The following TCP11L2 variants were observed in gnomAD, a reference collection of about 807,000 sequenced individuals.
The protein encoded by TCP11L2 is t-complex 11 like 2, also known as T-complex protein 11-like protein 2.
In TCP11L2, 39 loss-of-function variants were observed where a neutral mutation model predicts 50.7. That is an observed-to-expected ratio of 0.77 (90% CI 0.60 to 1.01). The LOEUF (loss-of-function observed/expected upper bound fraction) is 1.01. Among genes scored for constraint, TCP11L2 ranks in the 50% least tolerant of loss-of-function variants. The pLI is 0.00. For missense variants in TCP11L2, 612 were observed against 614.7 expected, an observed-to-expected ratio of 1.00 and a Z score of 0.05; for synonymous variants, 192 against 219.3, an observed-to-expected ratio of 0.88 and a Z score of 1.10.
rs186475148 is a variant in TCP11L2, at chr12:106,336,248, T to C, written c.1142+35T>C. 542 of 1,570,978 alleles carry C rather than the reference T, an allele frequency of 3.5e-4. 7 individuals are homozygous for C. In the African/African-American group the frequency reaches 6.7e-3, roughly 20 times the overall value. On this transcript the variant is annotated intron_variant, in intron 8 of 9. Coordinates refer to ENST00000299045, the MANE Select transcript of TCP11L2 (RefSeq NM_152772.3). ...AAATTTTTGCATCTGCTCCCTCTTG[T>C]ATTAAGGCTCTGCATGTGTCTCAGA...
intron 9 of TCP11L2, among the ~76,000 whole-genome samples, chr12:106,344,764 G>C (rs902996580): frequency 3.2e-4 from 49 of 152,316 alleles, no homozygotes; most frequent in African/African-American, 1.1e-3. Context: ...CCTTGGAGCA[G>C]CCTGAGCTAT....
At position 106,346,142 on chromosome 12, in the gene TCP11L2, T is replaced by A. The variant is rs1174735217; in HGVS notation, c.1316-144T>A. The stretch of plus-strand genomic sequence containing the variant: ...GCTTTGATAGGAGGAACTGCAAAGC[T>A]ACCTTGGAAAGGGGATGGGTGCAGG... On this transcript the variant is annotated intron_variant, in intron 9 of 9. Transcript: ENST00000299045. 2.7e-5 allele frequency: 22 copies of A among 829,210 alleles called. 1 individual carries two copies. In the East Asian group the frequency reaches 5.7e-4, roughly 21 times the overall value. The allele number at this position is 829,210 out of a possible 1,614,324, so 51.4% of individuals were successfully genotyped here. A position where few individuals can be genotyped will look rare whatever the true frequency, so the allele number is the denominator to read the frequency against.
chr12:106,339,603 T>C (rs1462322577), intron 8 of TCP11L2, among the ~76,000 whole-genome samples: 1 of 152,242 alleles, frequency 6.6e-6, no homozygotes, highest in East Asian at 1.9e-4. Flanking sequence ...TTTTTAAAGG[T>C]CTTATAGTTA....
chr12:106,320,710 T>C (rs577257588), intron 4 of TCP11L2, among the ~76,000 whole-genome samples: 4 of 152,304 alleles, frequency 2.6e-5, no homozygotes, highest in Admixed American at 2.0e-4. Flanking sequence ...GTAAGCAAGC[T>C]GGAAAACGAA....
chr12:106,336,162 C>T lies in TCP11L2; in HGVS notation c.1091C>T (p.Ala364Val), dbSNP rs147598851. Residue 364 changes from alanine (A) to valine (V), a missense_variant, in exon 8 of 10, where the codon GCA becomes GTA. Transcript: ENST00000299045. ...GAITGGLPEL[A>V]SRLTRISAVL... Reference sequence around the variant, plus strand: ...ATTACAGGAGGCCTGCCTGAGCTTGCAAGCAGGTTAACAAGGATTTCAGCT... The same window carrying T: ...ATTACAGGAGGCCTGCCTGAGCTTGTAAGCAGGTTAACAAGGATTTCAGCT... 69 of 1,613,266 alleles carry T rather than the reference C, an allele frequency of 4.3e-5. No individual in the cohort carries two copies. Among genetic ancestry groups the T allele is most frequent in the Non-Finnish European group, 5.8e-5 (68 of 1,179,852 alleles).
rs1369409235 is a variant in TCP11L2, at chr12:106,311,154, A to G, written c.79A>G (p.Met27Val). 1 of 1,614,216 alleles carries G rather than the reference A, an allele frequency of 6.2e-7. No individual in the cohort carries two copies. Among genetic ancestry groups the G allele is most frequent in the Non-Finnish European group, 8.5e-7 (1 of 1,180,056 alleles). The change falls in exon 2 of 10, where the codon ATG becomes GTG. Residue 27 changes from methionine to valine, a missense_variant. Transcript: ENST00000299045. The part of the protein sequence containing the change: ...DSDSSRFSES[M>V]ASLSDYECSR... Reference sequence around the variant, plus strand: ...TGATTCTTCCCGGTTTTCCGAAAGCATGGCTTCGCTCAGTGACTATGAATG... The same window carrying G: ...TGATTCTTCCCGGTTTTCCGAAAGCGTGGCTTCGCTCAGTGACTATGAATG...
chr12:106,335,827 G>T lies in TCP11L2; in HGVS notation c.960+1G>T, dbSNP rs758541592. 5.0e-6 allele frequency: 8 copies of T among 1,611,692 alleles called. No individual in the cohort carries two copies. Among genetic ancestry groups the T allele is most frequent in the Non-Finnish European group, 6.8e-6 (8 of 1,179,252 alleles). ...TTATCAGAAAAAAGAATTACCAGAG[G>T]TGAGTGGTTTTGTTCTTCACCCAAA... On this transcript the variant is annotated splice_donor_variant, in intron 7 of 9. Transcript: ENST00000299045. LOFTEE classifies it high-confidence loss of function.
chr12:106,319,124 G>A (rs2035233512), intron 4 of TCP11L2, among the ~76,000 whole-genome samples: 1 of 151,974 alleles, frequency 6.6e-6, no homozygotes. Context: ...TGTTAGCCAG[G>A]ATGGTCTCGA....
chr12:106,305,800 T>C (rs2034605396), intron 1 of TCP11L2, among the ~76,000 whole-genome samples: 2 of 152,100 alleles, frequency 1.3e-5, no homozygotes, highest in African/African-American at 4.8e-5. Flanking sequence ...AGAGGAACAT[T>C]TCAGGGGCAG....
intron 8 of TCP11L2, among the ~76,000 whole-genome samples, chr12:106,337,363 A>G (rs1487365754): frequency 7.9e-5 from 12 of 152,202 alleles, no homozygotes; most frequent in Admixed American, 7.2e-4. Context: ...CTTGGGCTGC[A>G]AACAGAAAAG....
At chr12:106,345,986 G>A (rs1437832910) in intron 9 of TCP11L2, among the ~76,000 whole-genome samples, 3 of 152,148 alleles carry the variant, frequency 2.0e-5, no homozygotes, top group African/African-American at 7.2e-5. Flanking sequence ...GTAGACGGTG[G>A]ACATGAACAA....
intron 9 of TCP11L2, among the ~76,000 whole-genome samples, chr12:106,344,809 G>T (rs1027054657): frequency 2.0e-5 from 3 of 152,136 alleles, no homozygotes; most frequent in Admixed American, 1.3e-4. Context: ...ATTAATAGTT[G>T]TCCTATACTA....
chr12:106,321,942 G>A (rs2035354700), intron 5 of TCP11L2, among the ~76,000 whole-genome samples: 1 of 152,168 alleles, frequency 6.6e-6, no homozygotes, highest in Non-Finnish European at 1.5e-5. Context: ...ATGCAATGAT[G>A]AAAAAGACAG....
intron 1 of TCP11L2, chr12:106,307,242 A>G (rs915883650): frequency 1.3e-5 from 2 of 152,270 alleles, no homozygotes; most frequent in Admixed American, 6.5e-5. Context: ...GGAATAATAC[A>G]ATCAAAAATG....
chr12:106,308,612 C>A (rs1204686390), intron 1 of TCP11L2, among the ~76,000 whole-genome samples: 2 of 152,158 alleles, frequency 1.3e-5, no homozygotes, highest in Non-Finnish European at 2.9e-5. Context: ...ACAGCGGTTA[C>A]ATTACAGGGG....
chr12:106,326,954 C>T (rs1267741066), intron 6 of TCP11L2, among the ~76,000 whole-genome samples: 7 of 152,288 alleles, frequency 4.6e-5, no homozygotes, highest in East Asian at 1.9e-4. Context: ...AACCCTACAT[C>T]GAACCTGGAT....
At chr12:106,336,547 ATTT>A (rs11449901) in intron 8 of TCP11L2, among the ~76,000 whole-genome samples, 526 of 102,148 alleles carry the variant, frequency 5.1e-3, no homozygotes, top group African/African-American at 0.012. Context: ...GAATTGCGCA[ATTT>A]TTTTTTTTTT....
intron 3 of TCP11L2, 21 bp from the exon 4 acceptor site, chr12:106,318,320 AAAC>A (rs1162879277): frequency 6.2e-7 from 1 of 1,606,214 alleles, no homozygotes; most frequent in South Asian, 1.1e-5. Context: ...TTATTTTAAA[AAAC>A]AATTCATTTT....
upstream of TCP11L2, among the ~76,000 whole-genome samples, chr12:106,302,652 C>A (rs1329187895): frequency 1.3e-5 from 2 of 151,948 alleles, no homozygotes; most frequent in Non-Finnish European, 2.9e-5. Flanking sequence ...CTAATAGGTT[C>A]AGTCTGTGAG....
Sources: allele counts gnomAD v4.1 joint callset (sites outside exome capture counted in the v4.1 genomes callset), GRCh38; gene constraint gnomAD v4.1.1; transcripts MANE v1.5; gene names NCBI Gene and HGNC (gene_info 2026-07-23, HGNC 2026-07-21).